METTL3: variants seen among roughly 807,000 people sequenced by gnomAD.
METTL3 encodes the protein N(6)-adenosine-methyltransferase catalytic subunit METTL3.
A neutral mutation model predicts 64.3 loss-of-function variants in METTL3; 42 were observed. The observed-to-expected ratio is 0.65, with a 90% CI of 0.51 to 0.84. The LOEUF is 0.84. Among genes scored for constraint, METTL3 ranks in the 40% least tolerant of loss-of-function variants. The pLI is 0.00. For synonymous variants in METTL3, 256 were observed against 263.6 expected (o/e 0.97, Z 0.28); for missense variants, 435 against 722.3 (o/e 0.60, Z 4.56).
rs1891828787 is a variant in METTL3, at chr14:21,511,187, T to G, written c.37A>C (p.Lys13Gln). 1 of 1,614,034 alleles carries G rather than the reference T, an allele frequency of 6.2e-7. No individual in the cohort carries two copies. The highest frequency in any genetic ancestry group is 1.1e-5 in the South Asian group (1 of 91,062). The change falls in exon 1 of 11, where the codon AAG becomes CAG. Residue 13 changes from lysine (K) to glutamine (Q), a missense_variant. Physicochemically the swap from Lys to Gln is moderately conservative, Grantham distance 53. This residue lies in a region of METTL3 where 228 missense variants were observed against 279.6 expected (regional missense o/e 0.82). Coordinates refer to ENST00000298717, the MANE Select transcript of METTL3 (RefSeq NM_019852.5). The stretch of plus-strand genomic sequence containing the variant: ...CTCTCCCGCAGAGAGTCCAGCTGCT[T>G]CTTGTGGGCCTGGATAGAGCTCCAC... The part of the protein sequence containing the change: ...DTWSSIQAHK[K>Q]QLDSLRERLQ...
intron 1 of METTL3, among the ~76,000 whole-genome samples, chr14:21,508,934 C>T (rs10450907): frequency 1.3e-5 from 2 of 152,018 alleles, no homozygotes; most frequent in Non-Finnish European, 2.9e-5. Flanking sequence ...CAATTAAAAC[C>T]AAGAAACAAC....
rs778753262 is a variant in METTL3, at chr14:21,501,868, T to C, written c.759A>G (p.Thr253=). The C allele has an allele frequency of 4.6e-5, 75 of 1,614,082 alleles. No individual in the cohort carries two copies. The highest frequency in any genetic ancestry group is 4.5e-4 in the Admixed American group (27 of 60,000). ...SQEILELLNT[T]TAKEQSIVEK... ...CAACAATGGATTGTTCCTTGGCTGT[T>C]GTAGTATTTAATAGCTCTAGGATCT... The change falls in exon 4 of 11, where the codon ACA becomes ACG. Residue 253 remains threonine (T), a synonymous_variant. Coordinates refer to ENST00000298717, the MANE Select transcript of METTL3 (RefSeq NM_019852.5).
rs139260149 is a variant in METTL3 at position 21,500,784 on chromosome 14, A to C, written c.1117-102T>G. The C allele has an allele frequency of 4.7e-4, 684 of 1,440,706 alleles. 2 individuals are homozygous for C. In the African/African-American group the frequency reaches 8.7e-3, roughly 18 times the overall value. 89.2% of individuals were successfully genotyped at this position (1,440,706 alleles called of 1,614,324 possible). On this transcript the variant is annotated intron_variant, in intron 5 of 10. Transcript: ENST00000298717. ...ATTTTTCCTATTCCCTTAAAAGCTT[A>C]TCTATCCCCCTCCATTCCCAATAAG...
intron 1 of METTL3, among the ~76,000 whole-genome samples, chr14:21,506,188 C>G (rs1298395612): frequency 4.6e-5 from 7 of 151,804 alleles, no homozygotes; most frequent in African/African-American, 1.7e-4. Context: ...ATGGCGCTTC[C>G]TCAAAAATCA....
chr14:21,500,451 CT>C lies in METTL3; in HGVS notation c.1304+43del, dbSNP rs553009042. 994 of 1,588,234 alleles carry C rather than the reference CT, an allele frequency of 6.3e-4. 2 individuals carry two copies. The highest frequency in any genetic ancestry group is 1.3e-3 in the Middle Eastern group (8 of 6,008). ...TTTTATCTCCCATTCAGTATTCACTCTTGTACTGTATCTGTCCATACCTACG... is the reference window on the plus strand; with the variant it reads ...TTTTATCTCCCATTCAGTATTCACTCTGTACTGTATCTGTCCATACCTACG... On this transcript the variant is annotated intron_variant, in intron 6 of 10. Coordinates refer to ENST00000298717, the MANE Select transcript of METTL3 (RefSeq NM_019852.5).
In METTL3 at chr14:21,503,964, C is replaced by T; in HGVS notation, c.101-83G>A. On this transcript the variant is annotated intron_variant, in intron 1 of 10. Coordinates refer to ENST00000298717, the MANE Select transcript of METTL3 (RefSeq NM_019852.5). ...CTGAGAAGTCAAATTCTCTAGCATT[C>T]CCATACACAGATCTTTCATTTTGTG... 6 of 1,248,222 alleles carry T rather than the reference C, an allele frequency of 4.8e-6. No homozygotes were observed. The Admixed American group carries it at 1.3e-4, about 27-fold the overall frequency. The allele number at this position is 1,248,222 out of a possible 1,614,324, so 77.3% of individuals were successfully genotyped here.
At position 21,501,128 on chromosome 14, in the gene METTL3, G is replaced by A. The variant is rs530317948; in HGVS notation, c.901C>T (p.Arg301Ter). The A allele has an allele frequency of 6.2e-6, 10 of 1,608,876 alleles. No homozygotes were observed. In the South Asian group the frequency reaches 6.6e-5, roughly 11 times the overall value. ...DRPCRKLHFR[R>*]IINKHTDESL... ...TCATCAGTGTGTTTATTGATAATTCGTCTGGGAAAATAAAAAGGGAGAATC... is the reference window on the plus strand; with the variant it reads ...TCATCAGTGTGTTTATTGATAATTCATCTGGGAAAATAAAAAGGGAGAATC... The change falls in exon 5 of 11, where the codon CGA becomes TGA. Residue 301 changes from arginine to a stop codon, truncating the protein, a stop_gained and splice_region_variant. Transcript: ENST00000298717. LOFTEE classifies it high-confidence loss of function.
At chr14:21,507,061 G>A (rs916900116) in intron 1 of METTL3, among the ~76,000 whole-genome samples, 2 of 152,042 alleles carry the variant, frequency 1.3e-5, no homozygotes, top group Non-Finnish European at 2.9e-5. Context: ...GACACCTGTA[G>A]TCACAACTAC....
intron 1 of METTL3, among the ~76,000 whole-genome samples, chr14:21,507,476 T>C (rs969813307): frequency 6.6e-6 from 1 of 151,944 alleles, no homozygotes; most frequent in African/African-American, 2.4e-5. Context: ...TGGCTAACAC[T>C]GTGAAACCCC....
chr14:21,506,477 C>A (rs555175924), intron 1 of METTL3, among the ~76,000 whole-genome samples: 2 of 152,168 alleles, frequency 1.3e-5, no homozygotes, highest in South Asian at 4.2e-4. Context: ...TGGGGTGAAC[C>A]CAGGAGGTGG....
In METTL3 at chr14:21,501,278, G is replaced by A. The variant is rs1891562069; in HGVS notation, c.900-149C>T. On this transcript the variant is annotated intron_variant, in intron 4 of 10. Transcript: ENST00000298717. ...TCAAGAGTTTTAAGGGAGGCAGGTA[G>A]CATGGAAATCCATAATTCATACTAC... 5 of 639,982 alleles carry A rather than the reference G, an allele frequency of 7.8e-6. No individual in the cohort carries two copies. In the South Asian group the frequency reaches 1.0e-4, roughly 13 times the overall value. 39.6% of individuals were successfully genotyped at this position (639,982 alleles called of 1,614,324 possible).
In METTL3 at chr14:21,503,576, G is replaced by C; in HGVS notation, c.320C>G (p.Pro107Arg). 1 of 1,612,944 alleles carries C rather than the reference G, an allele frequency of 6.2e-7. No individual in the cohort carries two copies. Among genetic ancestry groups the C allele is most frequent in the Non-Finnish European group, 8.5e-7 (1 of 1,179,558 alleles). Residue 107 changes from proline (P) to arginine (R), a missense_variant and splice_region_variant, in exon 3 of 11, where the codon CCA (proline) becomes CGA (arginine). Physicochemically the swap from Pro to Arg is moderately radical, Grantham distance 103. Around this residue, in one of 9 missense-constraint regions of METTL3, gnomAD observed 228 missense variants for 279.6 expected, o/e 0.82. Coordinates refer to ENST00000298717, the MANE Select transcript of METTL3 (RefSeq NM_019852.5). ...CCCATCTTGAGTGGCAGGAGCATCT[G>C]GCTAGAGAACGAGGGGAGGTATGGG... ...AVSICLAISTPDAPATQDGVE... is the reference protein window; with the variant it reads ...AVSICLAISTRDAPATQDGVE...
rs748308611 is a variant in METTL3, at chr14:21,503,844, G to A, written c.138C>T (p.Phe46=). 1 of 1,614,122 alleles carries A rather than the reference G, an allele frequency of 6.2e-7. No individual in the cohort carries two copies. Among genetic ancestry groups the A allele is most frequent in the African/African-American group, 1.3e-5 (1 of 74,952 alleles). ...RNPEAALSPT[F]RSDSPVPTAP... The stretch of plus-strand genomic sequence containing the variant: ...CAGTAGGCACTGGGCTGTCACTACG[G>A]AAGGTTGGAGACAATGCTGCCTCTG... Residue 46 remains phenylalanine (F), a synonymous_variant, in exon 2 of 11, where the codon TTC becomes TTT. Transcript: ENST00000298717.
chr14:21,500,730 T>C (rs1344232916), intron 5 of METTL3, 48 bp from the exon 6 acceptor site: 6 of 1,565,322 alleles, frequency 3.8e-6, no homozygotes, highest in Non-Finnish European at 5.2e-6. Context: ...ACTCTGAGAT[T>C]CATGGCCCGA....
At chr14:21,498,701 G>A in intron 10 of METTL3, 2 of 464,078 alleles carry the variant, frequency 4.3e-6, no homozygotes, top group East Asian at 3.8e-5. Context: ...GGTGAAAGAT[G>A]TAATTATTGA....
chr14:21,507,963 TTA>T (rs1263300494), intron 1 of METTL3: 1 of 152,050 alleles, frequency 6.6e-6, no homozygotes, highest in African/African-American at 2.4e-5. Context: ...AAAAATACTT[TTA>T]TAAGAGTCTT....
chr14:21,509,109 G>GT (rs1891768690), intron 1 of METTL3, among the ~76,000 whole-genome samples: 4 of 151,952 alleles, frequency 2.6e-5, no homozygotes, highest in African/African-American at 9.7e-5. Context: ...GGAGGCCAAC[G>GT]TGAGTGGATT....
intron 1 of METTL3, 60 bp from the exon 2 acceptor site, chr14:21,503,941 G>A (rs189320406): frequency 7.5e-5 from 113 of 1,511,012 alleles, no homozygotes; most frequent in African/African-American, 1.1e-4. Context: ...ATATATTTCT[G>A]AGAAGTCAAA....
chr14:21,509,780 GAAAAAACATAACAAAACA>G (rs892237626), intron 1 of METTL3, among the ~76,000 whole-genome samples: 9 of 152,008 alleles, frequency 5.9e-5, no homozygotes, highest in African/African-American at 2.2e-4. Context: ...AAGAATAGGG[GAAAAAACATAACAAAACA>G]AAAAATTGTA....
Sources: gnomAD v4.1 joint callset for allele counts (sites outside exome capture counted in the v4.1 genomes callset) on GRCh38, gnomAD v4.1.1 for gene constraint, gnomAD v4.1.1 regional missense constraint, MANE v1.5 for transcripts, NCBI Gene and HGNC (gene_info 2026-07-23, HGNC 2026-07-21) for gene names.